The following SLC20A2 variants were observed in gnomAD, a reference collection of about 807,000 sequenced individuals.
SLC20A2 encodes sodium-dependent phosphate transporter 2.
Under a neutral mutation model 61.0 loss-of-function variants are expected in SLC20A2, and 30 were observed. The ratio of observed to expected loss-of-function variants is 0.49; its 90% confidence interval spans 0.37 to 0.67. SLC20A2 has a LOEUF of 0.67. SLC20A2 is among the 30% of genes least tolerant of loss of function. The probability of loss-of-function intolerance (pLI) is 0.00; values close to 1 mark genes in which losing one functional copy is unlikely to be tolerated. For synonymous variants in SLC20A2, 351 were observed against 353.3 expected (o/e 0.99, Z 0.07); for missense variants, 626 against 866.4 (o/e 0.72, Z 3.48).
chr8:42,498,648 T>C (rs908896244), intron 1 of SLC20A2, among the ~76,000 whole-genome samples: 2 of 152,148 alleles, frequency 1.3e-5, no homozygotes, highest in Non-Finnish European at 1.5e-5. Context: ...TATCCCATTA[T>C]GTTACACTTG....
chr8:42,463,115 A>G, intron 3 of SLC20A2, 25 bp from the exon 4 acceptor site: 1 of 1,354,452 alleles, frequency 7.4e-7, no homozygotes, highest in Non-Finnish European at 1.0e-6. Context: ...AAAAAATCTA[A>G]TGAATGTTAA....
intron 9 of SLC20A2, among the ~76,000 whole-genome samples, chr8:42,429,149 G>A (rs142695048): frequency 6.6e-6 from 1 of 152,238 alleles, no homozygotes; most frequent in East Asian, 1.9e-4. Context: ...TTTCTAAAAC[G>A]CAAAGGAAAA....
intron 5 of SLC20A2, among the ~76,000 whole-genome samples, chr8:42,448,514 T>C (rs1354170806): frequency 6.6e-6 from 1 of 151,986 alleles, no homozygotes; most frequent in Non-Finnish European, 1.5e-5. Flanking sequence ...GAACCTGAGG[T>C]CGGGGGCAAG....
intron 5 of SLC20A2, among the ~76,000 whole-genome samples, chr8:42,457,853 G>T (rs1806339106): frequency 6.6e-6 from 1 of 152,104 alleles, no homozygotes; most frequent in Non-Finnish European, 1.5e-5. Context: ...GTTATATAAT[G>T]TTAGAATCAT....
chr8:42,430,063 C>T lies in SLC20A2; in HGVS notation c.1709+1G>A. On this transcript the variant is annotated splice_donor_variant, in intron 9 of 10. Coordinates refer to ENST00000520262, the MANE Select transcript of SLC20A2 (RefSeq NM_001257180.2). LOFTEE classifies it high-confidence loss of function. The stretch of plus-strand genomic sequence containing the variant: ...CTGCTCGTCCACCAGCCCAGGCTTA[C>T]CTGGACGGCGTGATGGGAGTGAGGT... 1 of 1,607,766 alleles carries T rather than the reference C, an allele frequency of 6.2e-7. No homozygotes were observed. Among genetic ancestry groups the T allele is most frequent in the Non-Finnish European group, 8.5e-7 (1 of 1,177,718 alleles).
chr8:42,469,494 AG>A (rs1456729732), intron 2 of SLC20A2, among the ~76,000 whole-genome samples: 4 of 152,222 alleles, frequency 2.6e-5, no homozygotes, highest in Non-Finnish European at 4.4e-5. Context: ...TCCCGTCTGC[AG>A]AAAGAGTGAG....
At chr8:42,526,358 A>G (rs1811932836) in intron 1 of SLC20A2, among the ~76,000 whole-genome samples, 1 of 151,828 alleles carries the variant, frequency 6.6e-6, no homozygotes, top group Non-Finnish European at 1.5e-5. Context: ...GGTCATTTAA[A>G]AAAAAAAAAA....
In SLC20A2 at chr8:42,417,830, G is replaced by A. The variant is rs1445862063; in HGVS notation, c.1932C>T (p.Leu644=). ...GLFSAAVMAL[L]MYGILPYV ...ACACATATGGAAGGATCCCATACATGAGAAGAGCCATGACAGCAGCGCTGA... is the reference window on the plus strand; with the variant it reads ...ACACATATGGAAGGATCCCATACATAAGAAGAGCCATGACAGCAGCGCTGA... The change falls in exon 11 of 11, where the codon CTC becomes CTT. Residue 644 remains leucine, a synonymous_variant. Coordinates refer to ENST00000520262, the MANE Select transcript of SLC20A2 (RefSeq NM_001257180.2). 11 of 1,613,992 alleles carry A rather than the reference G, an allele frequency of 6.8e-6. No individual in the cohort carries two copies. The highest frequency in any genetic ancestry group is 5.0e-5 in the Admixed American group (3 of 60,002).
In SLC20A2 at chr8:42,468,927, C is replaced by G. The variant is rs577586871; in HGVS notation, c.290-3010G>C. Among the ~76,000 whole-genome samples the G allele has an allele frequency of 3.9e-5, 6 of 152,302 alleles. No homozygotes were observed. In the East Asian group the frequency reaches 1.2e-3, roughly 29 times the overall value. ...GGTTTCCTACAAAATGGACAGACTA[C>G]TGCTTTAGGGCTGAGCTAGTCCCAC... On this transcript the variant is annotated intron_variant, in intron 2 of 10. Transcript: ENST00000520262.
At chr8:42,519,275 C>T (rs1176851260) in intron 1 of SLC20A2, among the ~76,000 whole-genome samples, 1 of 152,130 alleles carries the variant, frequency 6.6e-6, no homozygotes, top group Non-Finnish European at 1.5e-5. Context: ...GAAACCCCGT[C>T]TCTACTAAAA....
At chr8:42,541,029 T>C (rs1223081540) in intron 1 of SLC20A2, 2 of 152,200 alleles carry the variant, frequency 1.3e-5, no homozygotes, top group African/African-American at 2.4e-5. Flanking sequence ...AGACGCTTTC[T>C]TAAGAGTACA....
chr8:42,469,048 G>C (rs1363165846), intron 2 of SLC20A2, among the ~76,000 whole-genome samples: 2 of 152,158 alleles, frequency 1.3e-5, no homozygotes, highest in Non-Finnish European at 2.9e-5. Context: ...AGACGCCCAG[G>C]GGCTTGGGGA....
At chr8:42,484,378 TG>T (rs1808784133) in intron 1 of SLC20A2, among the ~76,000 whole-genome samples, 1 of 152,236 alleles carries the variant, frequency 6.6e-6, no homozygotes, top group Non-Finnish European at 1.5e-5. Flanking sequence ...TCATCTTCTA[TG>T]GAGACTGAGA....
At chr8:42,482,357 C>A (rs948393021) in intron 1 of SLC20A2, among the ~76,000 whole-genome samples, 3 of 152,130 alleles carry the variant, frequency 2.0e-5, no homozygotes. Flanking sequence ...CACAAGGAAA[C>A]AGTCTTTCAT....
chr8:42,510,517 A>C (rs1810969597), intron 1 of SLC20A2, among the ~76,000 whole-genome samples: 1 of 152,224 alleles, frequency 6.6e-6, no homozygotes, highest in Non-Finnish European at 1.5e-5. Context: ...ACACAGTATA[A>C]AATACTAATT....
intron 8 of SLC20A2, among the ~76,000 whole-genome samples, chr8:42,436,477 TGCCCCTGTCAAACGTGCCCTGTGTG>T (rs1203880296): frequency 6.6e-6 from 1 of 152,272 alleles, no homozygotes; most frequent in Middle Eastern, 3.4e-3. Flanking sequence ...CCAAAGCCAG[TGCCCCTGTCAAACGTGCCCTGTGTG>T]GCCCCTGTCA....
At chr8:42,513,863 G>A (rs1045143284) in intron 1 of SLC20A2, among the ~76,000 whole-genome samples, 1 of 152,146 alleles carries the variant, frequency 6.6e-6, no homozygotes, top group Admixed American at 6.5e-5. Flanking sequence ...GAAAAACAGT[G>A]AAAGGCATTC....
chr8:42,496,425 G>T (rs887187863), intron 1 of SLC20A2, among the ~76,000 whole-genome samples: 1 of 152,160 alleles, frequency 6.6e-6, no homozygotes, highest in Non-Finnish European at 1.5e-5. Context: ...TTTCTATTAC[G>T]TGCAAATAAA....
intron 1 of SLC20A2, among the ~76,000 whole-genome samples, chr8:42,519,677 G>A (rs185758327): frequency 9.9e-5 from 15 of 152,154 alleles, no homozygotes; most frequent in African/African-American, 3.6e-4. Context: ...GATACATCTG[G>A]GAAGGCCAAA....
Sources: gnomAD v4.1 joint callset for allele counts (sites outside exome capture counted in the v4.1 genomes callset) on GRCh38, gnomAD v4.1.1 for gene constraint, MANE v1.5 for transcripts, NCBI Gene and HGNC (gene_info 2026-07-23, HGNC 2026-07-21) for gene names.